Variants in PCDH15 observed in about 807,000 individuals in gnomAD.
PCDH15 encodes the protein protocadherin related 15, also known as protocadherin-15.
Under a neutral mutation model 178.5 loss-of-function variants are expected in PCDH15, and 129 were observed. That is an observed-to-expected ratio of 0.72 (90% CI 0.63 to 0.84). The LOEUF is 0.84. PCDH15 is among the 40% of genes least tolerant of loss of function. The pLI, the probability that PCDH15 is intolerant of heterozygous loss-of-function variation, is 0.00. For synonymous variants in PCDH15, 800 were observed against 732.0 expected, an observed-to-expected ratio of 1.09 and a Z score of -1.50; for missense variants, 2,230 against 2,099.9, an observed-to-expected ratio of 1.06 and a Z score of -1.21.
At chr10:54,106,715 A>C (rs907864891) in intron 15 of PCDH15, among the ~76,000 whole-genome samples, 1 of 152,214 alleles carries the variant, frequency 6.6e-6, no homozygotes, top group African/African-American at 2.4e-5. Context: ...TTCACACACA[A>C]AAAAGAGAGT....
chr10:55,295,061 T>C (rs1486702327), intron 1 of PCDH15, among the ~76,000 whole-genome samples: 3 of 152,188 alleles, frequency 2.0e-5, no homozygotes, highest in South Asian at 2.1e-4. Context: ...GGCTGAAGAC[T>C]CTTGAAGTCT....
intron 2 of PCDH15, among the ~76,000 whole-genome samples, chr10:54,655,292 G>GAGAGAGAGAC (rs1555126787): frequency 1.5e-3 from 184 of 121,074 alleles, no homozygotes; most frequent in Non-Finnish European, 2.9e-3. Flanking sequence ...GAGAGAGAGA[G>GAGAGAGAGAC]AGAGAGAGAG....
chr10:54,255,839 T>C (rs1479919077), intron 8 of PCDH15, among the ~76,000 whole-genome samples: 3 of 152,094 alleles, frequency 2.0e-5, no homozygotes, highest in African/African-American at 7.2e-5. Flanking sequence ...GGCCCAAGAA[T>C]TACCAGGCAT....
chr10:54,933,330 A>G (rs1321949830), intron 2 of PCDH15, among the ~76,000 whole-genome samples: 1 of 152,126 alleles, frequency 6.6e-6, no homozygotes, highest in Non-Finnish European at 1.5e-5. Context: ...TGATTGTGAC[A>G]GTTTTTATGT....
At chr10:54,722,625 A>T (rs941590728) in intron 1 of PCDH15, among the ~76,000 whole-genome samples, 1 of 151,458 alleles carries the variant, frequency 6.6e-6, no homozygotes, top group Non-Finnish European at 1.5e-5. Flanking sequence ...ATGATGGCAT[A>T]ATTGTGTATC....
intron 2 of PCDH15, among the ~76,000 whole-genome samples, chr10:55,029,133 G>C (rs1187600715): frequency 3.3e-5 from 5 of 151,876 alleles, no homozygotes; most frequent in Non-Finnish European, 4.4e-5. Context: ...AAGAATAAAT[G>C]TTTCTGTATC....
intron 26 of PCDH15, among the ~76,000 whole-genome samples, chr10:53,884,224 A>G (rs1229807220): frequency 6.6e-6 from 1 of 152,188 alleles, no homozygotes; most frequent in African/African-American, 2.4e-5. Context: ...TTTTGTACTG[A>G]AAAGGAGTAA....
rs186799198 is a variant in PCDH15 at position 54,811,734 on chromosome 10, G to T, written c.-29+85716C>A. On this transcript the variant is annotated intron_variant, in intron 3 of 5. Coordinates refer to the PCDH15 transcript ENST00000458638. ...TCCACCCGCCTCCGCCTCCCAAACT[G>T]CTGGGATTACAGGCGTGAGCCACCG... Among the ~76,000 whole-genome samples the T allele has an allele frequency of 2.8e-3, 420 of 152,234 alleles. 5 individuals carry two copies. The Middle Eastern group carries it at 0.044, about 16-fold the overall frequency.
At chr10:55,336,119 T>A (rs1844381850) in intron 2 of PCDH15, among the ~76,000 whole-genome samples, 1 of 119,470 alleles carries the variant, frequency 8.4e-6, no homozygotes, top group Admixed American at 9.6e-5. Context: ...GGCACCTTGG[T>A]ATTTGAAAAA....
At chr10:54,520,158 G>A (rs2138155283) in intron 3 of PCDH15, among the ~76,000 whole-genome samples, 1 of 152,236 alleles carries the variant, frequency 6.6e-6, no homozygotes, top group South Asian at 2.1e-4. Context: ...CATGGGCAAG[G>A]ACTTTATGTC....
chr10:54,146,031 C>A (rs1024720645), intron 14 of PCDH15, among the ~76,000 whole-genome samples: 6 of 151,980 alleles, frequency 3.9e-5, no homozygotes, highest in Admixed American at 2.6e-4. Context: ...CCCATGTGGG[C>A]AGAGATCTCA....
At chr10:53,934,980 C>T (rs1202797384) in intron 25 of PCDH15, among the ~76,000 whole-genome samples, 3 of 149,610 alleles carry the variant, frequency 2.0e-5, no homozygotes, top group Non-Finnish European at 4.4e-5. Context: ...CTAAATGAGA[C>T]TTGAACAGTT....
At chr10:53,821,334 T>TGTCA in intron 32 of PCDH15, 1 of 989,602 alleles carries the variant, frequency 1.0e-6, no homozygotes, top group Non-Finnish European at 1.2e-6. Context: ...ACCTTATGTC[T>TGTCA]GTCATCTCCT....
chr10:55,083,212 G>A (rs897951898), intron 2 of PCDH15, among the ~76,000 whole-genome samples: 1 of 151,644 alleles, frequency 6.6e-6, no homozygotes, highest in African/African-American at 2.4e-5. Context: ...TCATGACCAA[G>A]TGGAATTTAT....
At chr10:54,040,851 C>G (rs1203913511) in intron 18 of PCDH15, among the ~76,000 whole-genome samples, 1 of 151,972 alleles carries the variant, frequency 6.6e-6, no homozygotes, top group African/African-American at 2.4e-5. Flanking sequence ...TAATGGCAAG[C>G]TTCATAAATG....
chr10:54,727,356 G>T (rs1207792837), intron 1 of PCDH15, among the ~76,000 whole-genome samples: 2 of 151,448 alleles, frequency 1.3e-5, no homozygotes, highest in Non-Finnish European at 1.5e-5. Flanking sequence ...TCACTTTTGG[G>T]TAAACAATGA....
At chr10:55,028,633 T>C (rs1176786637) in intron 2 of PCDH15, among the ~76,000 whole-genome samples, 1 of 151,986 alleles carries the variant, frequency 6.6e-6, no homozygotes, top group Non-Finnish European at 1.5e-5. Context: ...GATCATTACC[T>C]CTTCATCTTC....
chr10:54,594,880 T>C (rs1012119556), intron 2 of PCDH15, among the ~76,000 whole-genome samples: 1 of 152,184 alleles, frequency 6.6e-6, no homozygotes, highest in South Asian at 2.1e-4. Context: ...ACTGCTGGCA[T>C]GAAACTAAGC....
chr10:55,296,556 G>C (rs1349690348), intron 1 of PCDH15, among the ~76,000 whole-genome samples: 1 of 152,122 alleles, frequency 6.6e-6, no homozygotes, highest in Non-Finnish European at 1.5e-5. Flanking sequence ...TATAACAAAA[G>C]ATTTTCCCAT....
Sources: allele counts gnomAD v4.1 joint callset (sites outside exome capture counted in the v4.1 genomes callset), GRCh38; gene constraint gnomAD v4.1.1; transcripts MANE v1.5; gene names NCBI Gene and HGNC (gene_info 2026-07-23, HGNC 2026-07-21).